MTHFD1L: variants seen among roughly 807,000 people sequenced by gnomAD.
MTHFD1L encodes the protein monofunctional C1-tetrahydrofolate synthase, mitochondrial.
In MTHFD1L, 81 loss-of-function variants were observed where a neutral mutation model predicts 119.5. That is an observed-to-expected ratio of 0.68 (90% CI 0.57 to 0.82). The LOEUF (loss-of-function observed/expected upper bound fraction) is 0.82. Ranked by LOEUF, MTHFD1L falls within the 40% of genes least tolerant of loss-of-function variation. The pLI is 0.00. For missense variants in MTHFD1L, 1,125 were observed against 1,253.4 expected, an observed-to-expected ratio of 0.90 and a Z score of 1.55; for synonymous variants, 430 against 475.2, an observed-to-expected ratio of 0.90 and a Z score of 1.24.
At chr6:150,894,294 G>A (rs578164807) in intron 7 of MTHFD1L, among the ~76,000 whole-genome samples, 29 of 152,232 alleles carry the variant, frequency 1.9e-4, no homozygotes, top group South Asian at 4.2e-4. Flanking sequence ...GTAAAATAGC[G>A]TGACTTAGGG....
intron 1 of MTHFD1L, among the ~76,000 whole-genome samples, chr6:150,871,891 A>ATTTTATTTTTTTTTTTTTTTTTTTT (rs1562287402): frequency 6.8e-6 from 1 of 147,054 alleles, no homozygotes; most frequent in African/African-American, 2.5e-5. Context: ...ATTTTATTTT[A>ATTTTATTTTTTTTTTTTTTTTTTTT]TTTTTTGAGA....
rs186295565 is a variant in MTHFD1L, at chr6:150,944,581, G to A, written c.1536G>A (p.Thr512=). The A allele has an allele frequency of 4.0e-5, 65 of 1,612,978 alleles. No individual in the cohort carries two copies. Among genetic ancestry groups the A allele is most frequent in the Admixed American group, 3.7e-4 (22 of 59,974 alleles). ...ACACGAGGATTCTTCATGAAAACAC[G>A]CAAACAGATAAGGTGAGAAGGATGC... ...AIDTRILHEN[T]QTDKALYNRL... The change falls in exon 14 of 28, where the codon ACG becomes ACA. Residue 512 remains threonine (T), a synonymous_variant. Transcript: ENST00000367321.
chr6:151,036,823 A>G lies in MTHFD1L; in HGVS notation c.2695-142A>G, dbSNP rs576989972. 6 of 772,362 alleles carry G rather than the reference A, an allele frequency of 7.8e-6. No individual in the cohort carries two copies. In the East Asian group the frequency reaches 1.6e-4, roughly 21 times the overall value. The allele number at this position is 772,362 out of a possible 1,614,324, so 47.8% of individuals were successfully genotyped here. On this transcript the variant is annotated intron_variant, in intron 25 of 27. Coordinates refer to ENST00000367321, the MANE Select transcript of MTHFD1L (RefSeq NM_015440.5). ...CCTCACCTTCTTGCTTCTTCAGTGA[A>G]CAAGTAGTAACAAGCAGCTCCTGCG...
intron 22 of MTHFD1L, among the ~76,000 whole-genome samples, 160 bp from the exon 23 acceptor site, chr6:151,014,720 T>C (rs1186566776): frequency 6.6e-6 from 1 of 152,226 alleles, no homozygotes; most frequent in Non-Finnish European, 1.5e-5. Context: ...AGAAATTATT[T>C]TGAAGACGAA....
intron 15 of MTHFD1L, among the ~76,000 whole-genome samples, chr6:150,948,787 T>C (rs77028448): frequency 0.21 from 27,183 of 129,402 alleles, 4,412 homozygotes; most frequent in East Asian, 0.37. Flanking sequence ...ATTACAGGCA[T>C]GCGCCACCAT....
In MTHFD1L at chr6:150,981,565, C is replaced by G. The variant is rs78433730; in HGVS notation, c.2125+9507C>G. 8.3e-3 allele frequency among the ~76,000 whole-genome samples: 1,265 copies of G among 152,258 alleles called. 20 individuals carry two copies. Among genetic ancestry groups the G allele is most frequent in the African/African-American group, 0.027 (1,134 of 41,524 alleles). ...ACTGCATTGTTCTCTAATGAGGTCA[C>G]TGCACTTTTTCTGTAAATGGCAAGA... is the stretch of plus-strand genomic sequence containing the variant. On this transcript the variant is annotated intron_variant, in intron 20 of 27. Coordinates refer to ENST00000367321, the MANE Select transcript of MTHFD1L (RefSeq NM_015440.5).
chr6:151,020,822 A>G (rs1255481987), intron 24 of MTHFD1L, among the ~76,000 whole-genome samples: 1 of 152,220 alleles, frequency 6.6e-6, no homozygotes. Context: ...CTAAGAGAAT[A>G]TCTCCATGTC....
chr6:151,081,653 CAG>C (rs1793193497), intron 26 of MTHFD1L, among the ~76,000 whole-genome samples: 1 of 152,160 alleles, frequency 6.6e-6, no homozygotes. Flanking sequence ...GCCTGGGTGA[CAG>C]AGACTGTCTC....
chr6:151,021,150 A>G (rs1783889460), intron 24 of MTHFD1L, among the ~76,000 whole-genome samples: 1 of 152,222 alleles, frequency 6.6e-6, no homozygotes, highest in South Asian at 2.1e-4. Context: ...CTCGAGCCTC[A>G]GCATCCTCAT....
At chr6:150,885,541 G>T in intron 5 of MTHFD1L, 93 bp from the exon 6 acceptor site, 1 of 860,398 alleles carries the variant, frequency 1.2e-6, no homozygotes, top group Non-Finnish European at 1.9e-6. Flanking sequence ...ACATTGACTT[G>T]GATGTTATTT....
chr6:151,064,912 C>T (rs1439211564), intron 26 of MTHFD1L, among the ~76,000 whole-genome samples: 1 of 151,888 alleles, frequency 6.6e-6, no homozygotes, highest in Non-Finnish European at 1.5e-5. Context: ...AAGTGATTCT[C>T]CTGCCTCAGC....
At position 151,096,618 on chromosome 6, in the gene MTHFD1L, G is replaced by A. The variant is rs369455619; in HGVS notation, c.*31+4031G>A. Among the ~76,000 whole-genome samples, 34 of 152,284 alleles carry A rather than the reference G, an allele frequency of 2.2e-4. 1 individual carries two copies. Among genetic ancestry groups the A allele is most frequent in the East Asian group, 7.7e-4 (4 of 5,180 alleles). On this transcript the variant is annotated intron_variant, in intron 27 of 27. Transcript: ENST00000367321. ...AGCTTAGGTGACAGCTTGGACAAAC[G>A]TGGGCATCTGAAAGGAAATGTCTGG...
Position 151,008,076 on chromosome 6 carries a change from G to A in MTHFD1L, c.2126-1743G>A, listed in dbSNP as rs569296714. Among the ~76,000 whole-genome samples the A allele has an allele frequency of 2.8e-4, 43 of 152,218 alleles. 1 individual carries two copies. The South Asian group carries it at 8.3e-3, about 29-fold the overall frequency. On this transcript the variant is annotated intron_variant, in intron 20 of 27. Coordinates refer to ENST00000367321, the MANE Select transcript of MTHFD1L (RefSeq NM_015440.5). ...ACCCTTGGGAATTTATTCCAAGAACGTAATTTGAAAGAGATTAAAGCACAT... is the reference window on the plus strand; with the variant it reads ...ACCCTTGGGAATTTATTCCAAGAACATAATTTGAAAGAGATTAAAGCACAT...
chr6:150,968,592 C>T (rs1797569988), intron 19 of MTHFD1L, among the ~76,000 whole-genome samples: 1 of 152,088 alleles, frequency 6.6e-6, no homozygotes, highest in African/African-American at 2.4e-5. Context: ...TCACTGCAAC[C>T]TCTGCCTCCC....
At chr6:150,990,233 T>G (rs1778867763) in intron 20 of MTHFD1L, among the ~76,000 whole-genome samples, 2 of 151,572 alleles carry the variant, frequency 1.3e-5, no homozygotes, top group Admixed American at 6.6e-5. Context: ...GAGCCTAGAT[T>G]GTACCACTGC....
chr6:151,043,699 A>G (rs542178193), intron 26 of MTHFD1L, among the ~76,000 whole-genome samples: 1 of 152,272 alleles, frequency 6.6e-6, no homozygotes, highest in South Asian at 2.1e-4. Context: ...AACTTAGAAT[A>G]CGCACCCTTT....
intron 20 of MTHFD1L, among the ~76,000 whole-genome samples, chr6:150,987,538 A>G (rs142056842): frequency 1.4e-4 from 21 of 152,304 alleles, no homozygotes; most frequent in Non-Finnish European, 2.8e-4. Flanking sequence ...GTTTACCAGA[A>G]TTACCCCCAT....
At chr6:151,087,907 G>A (rs746575808) in intron 26 of MTHFD1L, among the ~76,000 whole-genome samples, 3 of 152,214 alleles carry the variant, frequency 2.0e-5, no homozygotes, top group Non-Finnish European at 2.9e-5. Context: ...CATTAATGCA[G>A]CATTACAAGT....
At chr6:150,932,793 A>AGGGAG (rs1562404583) in intron 11 of MTHFD1L, among the ~76,000 whole-genome samples, 3 of 141,336 alleles carry the variant, frequency 2.1e-5, no homozygotes, top group African/African-American at 8.3e-5. Context: ...AGAGAAAGGA[A>AGGGAG]GAAAGGGAGG....
Sources: allele counts gnomAD v4.1 joint callset (sites outside exome capture counted in the v4.1 genomes callset), GRCh38; gene constraint gnomAD v4.1.1; transcripts MANE v1.5; gene names NCBI Gene and HGNC (gene_info 2026-07-23, HGNC 2026-07-21).